Variants in MLLT3 observed in about 807,000 individuals in gnomAD.
MLLT3 encodes protein AF-9.
Under a neutral mutation model 53.2 loss-of-function variants are expected in MLLT3, and 4 were observed. The observed-to-expected ratio is 0.08, with a 90% CI of 0.04 to 0.17. The LOEUF (loss-of-function observed/expected upper bound fraction) is 0.17. MLLT3 is among the 10% of genes least tolerant of loss of function. The pLI, the probability that MLLT3 is intolerant of heterozygous loss-of-function variation, is 1.00. For synonymous variants in MLLT3, 283 were observed against 230.6 expected (o/e 1.23, Z -2.06); for missense variants, 569 against 684.0 (o/e 0.83, Z 1.87).
At chr9:20,447,896 T>G (rs1319917821) in intron 4 of MLLT3, among the ~76,000 whole-genome samples, 1 of 152,184 alleles carries the variant, frequency 6.6e-6, no homozygotes, top group Non-Finnish European at 1.5e-5. Flanking sequence ...ATCTTAAGGC[T>G]GTTTTAATAA....
intron 2 of MLLT3, among the ~76,000 whole-genome samples, chr9:20,540,472 T>A (rs1242675925): frequency 6.6e-6 from 1 of 152,148 alleles, no homozygotes. Flanking sequence ...CACCCACAGG[T>A]CCAACACCAC....
At chr9:20,503,521 C>T (rs538400035) in intron 2 of MLLT3, among the ~76,000 whole-genome samples, 159 of 152,262 alleles carry the variant, frequency 1.0e-3, no homozygotes, top group Non-Finnish European at 2.0e-3. Flanking sequence ...ACCCTTACTT[C>T]ATACTAAATA....
intron 8 of MLLT3, among the ~76,000 whole-genome samples, chr9:20,355,095 T>TAAAAAAAAAAAAAAAAAAAA: frequency 1.6e-5 from 1 of 64,164 alleles, no homozygotes; most frequent in Non-Finnish European, 3.4e-5. Flanking sequence ...AAAGTAGAAC[T>TAAAAAAAAAAAAAAAAAAAA]AAAAAAAAAA....
chr9:20,429,518 G>GA (rs1424047383), intron 4 of MLLT3, among the ~76,000 whole-genome samples: 1 of 151,666 alleles, frequency 6.6e-6, no homozygotes, highest in Non-Finnish European at 1.5e-5. Flanking sequence ...TTTTTGAATA[G>GA]AATATTAGCA....
intron 2 of MLLT3, among the ~76,000 whole-genome samples, chr9:20,601,135 A>G (rs191316736): frequency 2.0e-5 from 1 of 50,078 alleles, no homozygotes; most frequent in Admixed American, 1.5e-4. Flanking sequence ...CGTCAGAATG[A>G]CATTCTGGAA....
chr9:20,622,369 G>C lies in MLLT3; in HGVS notation c.-113C>G, dbSNP rs1011149985. ...TATGAATGAGAGCGCGCCCAGGAGCGGAGGGTAGATGGCGGACATTCTCTG... is the reference window on the plus strand; with the variant it reads ...TATGAATGAGAGCGCGCCCAGGAGCCGAGGGTAGATGGCGGACATTCTCTG... On this transcript the variant is annotated 5_prime_UTR_variant, in exon 1 of 11. Coordinates refer to ENST00000380338, the MANE Select transcript of MLLT3 (RefSeq NM_004529.4). The C allele has an allele frequency of 5.0e-6, 5 of 1,009,504 alleles. No individual in the cohort carries two copies. The highest frequency in any genetic ancestry group is 1.7e-5 in the African/African-American group (1 of 60,190). The allele number at this position is 1,009,504 out of a possible 1,614,324, so 62.5% of individuals were successfully genotyped here.
chr9:20,612,692 T>TAC (rs887382934), intron 2 of MLLT3, among the ~76,000 whole-genome samples: 5 of 151,842 alleles, frequency 3.3e-5, no homozygotes, highest in African/African-American at 9.7e-5. Context: ...AGTCAATATA[T>TAC]ATATATAAAA....
At chr9:20,387,838 G>T (rs1282069067) in intron 5 of MLLT3, among the ~76,000 whole-genome samples, 2 of 152,202 alleles carry the variant, frequency 1.3e-5, no homozygotes, top group African/African-American at 4.8e-5. Flanking sequence ...CACTCGTTTA[G>T]CAAATGCAAC....
In MLLT3 at chr9:20,448,329, CA is replaced by C. The variant is rs1345268516; in HGVS notation, c.277-64del. On this transcript the variant is annotated intron_variant, in intron 3 of 10. Transcript: ENST00000380338. This position sits in a 1 kb window ranked among gnomAD's most constrained non-coding sequence, Gnocchi z 4.0. The stretch of plus-strand genomic sequence containing the variant: ...TGAGGCATAAGTGAAATTTTAAAAG[CA>C]AAAATTTACTCCTCATAAGAAATAG... 1.4e-6 allele frequency: 2 copies of C among 1,471,430 alleles called. No individual in the cohort carries two copies. The highest frequency in any genetic ancestry group is 3.6e-5 in the Admixed American group (2 of 55,362). 91.1% of individuals were successfully genotyped at this position (1,471,430 alleles called of 1,614,324 possible). A position where few individuals can be genotyped will look rare whatever the true frequency, so the allele number is the denominator to read the frequency against.
intron 2 of MLLT3, among the ~76,000 whole-genome samples, chr9:20,554,846 A>T (rs575599485): frequency 6.6e-6 from 1 of 152,214 alleles, no homozygotes; most frequent in Non-Finnish European, 1.5e-5. Context: ...TTGTTAACCA[A>T]TAAAATGAGG....
chr9:20,471,443 A>G (rs1824393641), intron 2 of MLLT3, among the ~76,000 whole-genome samples: 1 of 152,008 alleles, frequency 6.6e-6, no homozygotes, highest in South Asian at 2.1e-4. Flanking sequence ...ACCTTTTCCT[A>G]TGAAAATCAC....
intron 4 of MLLT3, among the ~76,000 whole-genome samples, chr9:20,420,940 A>C (rs577749137): frequency 3.0e-4 from 46 of 152,194 alleles, no homozygotes; most frequent in Non-Finnish European, 3.1e-4. Flanking sequence ...ATGTTTGTAT[A>C]GATTACATTG....
intron 2 of MLLT3, among the ~76,000 whole-genome samples, chr9:20,576,456 A>G (rs990057562): frequency 6.6e-6 from 1 of 152,192 alleles, no homozygotes; most frequent in African/African-American, 2.4e-5. Context: ...TGGTCTTCTC[A>G]CTAAGCTTAA....
At chr9:20,507,751 A>AAAC (rs543396667) in intron 2 of MLLT3, among the ~76,000 whole-genome samples, 127 of 151,714 alleles carry the variant, frequency 8.4e-4, no homozygotes, top group African/African-American at 2.8e-3. Flanking sequence ...GGAAAAAAAA[A>AAAC]AAAAAAAACA....
At chr9:20,417,389 A>T (rs555444728) in intron 4 of MLLT3, among the ~76,000 whole-genome samples, 31 of 148,012 alleles carry the variant, frequency 2.1e-4, no homozygotes, top group South Asian at 1.5e-3. Context: ...ATAAATATGT[A>T]TATCTGATAT....
At position 20,621,669 on chromosome 9, in the gene MLLT3, G is replaced by C; in HGVS notation, c.12+576C>G. Reference sequence around the variant, plus strand: ...GCGGGCGGACAGCCGCCGAGCCTCGGCTCGCGCTCAGCACCTCCCGGCGCT... The same window carrying C: ...GCGGGCGGACAGCCGCCGAGCCTCGCCTCGCGCTCAGCACCTCCCGGCGCT... On this transcript the variant is annotated intron_variant, in intron 1 of 10. Coordinates refer to ENST00000380338, the MANE Select transcript of MLLT3 (RefSeq NM_004529.4). This position sits in a 1 kb window ranked among gnomAD's most constrained non-coding sequence, Gnocchi z 7.0. 1.7e-6 allele frequency: 2 copies of C among 1,181,272 alleles called. No individual in the cohort carries two copies. Among genetic ancestry groups the C allele is most frequent in the South Asian group, 3.1e-5 (2 of 64,468 alleles). 73.2% of individuals were successfully genotyped at this position (1,181,272 alleles called of 1,614,324 possible). A position where few individuals can be genotyped will look rare whatever the true frequency, so the allele number is the denominator to read the frequency against.
intron 5 of MLLT3, among the ~76,000 whole-genome samples, chr9:20,368,229 C>T (rs574307814): frequency 3.0e-4 from 45 of 152,208 alleles, no homozygotes; most frequent in Non-Finnish European, 5.9e-4. Flanking sequence ...TGGCGAGTTA[C>T]ACAACTGAAA....
chr9:20,348,837 TACAG>T (rs1820941233), intron 10 of MLLT3, among the ~76,000 whole-genome samples: 1 of 152,168 alleles, frequency 6.6e-6, no homozygotes, highest in South Asian at 2.1e-4. Context: ...TCCACACACA[TACAG>T]AAACACAAAC....
intron 2 of MLLT3, among the ~76,000 whole-genome samples, chr9:20,594,936 A>G (rs1183814770): frequency 6.6e-6 from 1 of 152,174 alleles, no homozygotes; most frequent in African/African-American, 2.4e-5. Context: ...TGTTTAGCAT[A>G]TAATCAAGAA....
Sources: allele counts gnomAD v4.1 joint callset (sites outside exome capture counted in the v4.1 genomes callset), GRCh38; gene constraint gnomAD v4.1.1; non-coding constraint Gnocchi (gnomAD v3.1); transcripts MANE v1.5; gene names NCBI Gene and HGNC (gene_info 2026-07-23, HGNC 2026-07-21).